The following C12orf42 variants were observed in gnomAD, a reference collection of about 807,000 sequenced individuals.
The protein encoded by C12orf42 is uncharacterized protein C12orf42.
C12orf42 carries 25 observed loss-of-function variants against 21.6 expected under a neutral mutation model. The ratio of observed to expected loss-of-function variants is 1.16; its 90% confidence interval spans 0.84 to 1.62. The LOEUF (loss-of-function observed/expected upper bound fraction) is 1.62. Among genes scored for constraint, C12orf42 ranks in the 40% most tolerant of loss-of-function variants. The pLI is 0.00. For missense variants in C12orf42, 483 were observed against 459.3 expected (o/e 1.05, Z -0.47); for synonymous variants, 174 against 175.0 (o/e 0.99, Z 0.05).
intron 4 of C12orf42, chr12:103,367,956 G>A (rs2044773577): frequency 2.6e-6 from 2 of 762,540 alleles, no homozygotes; most frequent in Non-Finnish European, 3.7e-6. Context: ...AAATATAAGT[G>A]AATGAATAAA....
chr12:103,190,243 T>C, the C12orf42 span, among the ~76,000 whole-genome samples: 1 of 152,162 alleles, frequency 6.6e-6, no homozygotes, highest in African/African-American at 2.4e-5. Flanking sequence ...AAAGTGTCTG[T>C]CATGGGAAGA....
the C12orf42 span, among the ~76,000 whole-genome samples, chr12:103,124,212 C>T: frequency 5.6e-5 from 7 of 125,550 alleles, no homozygotes; most frequent in East Asian, 1.7e-3. Flanking sequence ...AGTGGCCCTG[C>T]TCCCAGATGT....
At chr12:103,479,369 G>C (rs1954298295) in intron 1 of C12orf42, among the ~76,000 whole-genome samples, 1 of 151,996 alleles carries the variant, frequency 6.6e-6, no homozygotes, top group Non-Finnish European at 1.5e-5. Context: ...TTAAAGGGTT[G>C]AAAAAGAAAA....
At chr12:103,483,132 G>T (rs1954587125) in intron 1 of C12orf42, among the ~76,000 whole-genome samples, 1 of 152,024 alleles carries the variant, frequency 6.6e-6, no homozygotes, top group Non-Finnish European at 1.5e-5. Context: ...TTGTGATTTT[G>T]GACAGTGAGC....
the C12orf42 span, among the ~76,000 whole-genome samples, chr12:103,068,882 T>TAG: frequency 7.2e-6 from 1 of 138,260 alleles, no homozygotes; most frequent in Non-Finnish European, 1.5e-5. Flanking sequence ...TCTCTATATA[T>TAG]ATATATAGAT....
At chr12:103,553,100 AAT>A in the C12orf42 span, among the ~76,000 whole-genome samples, 1 of 152,210 alleles carries the variant, frequency 6.6e-6, no homozygotes, top group Admixed American at 6.5e-5. Flanking sequence ...GGAGCTGAGT[AAT>A]TATTTGTCGC....
intron 4 of C12orf42, among the ~76,000 whole-genome samples, chr12:103,321,538 T>A (rs1467014630): frequency 6.8e-6 from 1 of 146,022 alleles, no homozygotes; most frequent in Admixed American, 6.9e-5. Context: ...GGACTATAAA[T>A]CATGCTGCTA....
the C12orf42 span, among the ~76,000 whole-genome samples, chr12:103,199,333 C>T: frequency 2.0e-5 from 3 of 152,048 alleles, no homozygotes; most frequent in Admixed American, 6.6e-5. Flanking sequence ...AATAATAATT[C>T]ATTATAAACA....
At chr12:103,460,194 C>T (rs1353281181) in intron 2 of C12orf42, among the ~76,000 whole-genome samples, 2 of 151,826 alleles carry the variant, frequency 1.3e-5, no homozygotes, top group Non-Finnish European at 2.9e-5. Flanking sequence ...GCAACCTTTA[C>T]ACAATGATTC....
intron 2 of C12orf42, among the ~76,000 whole-genome samples, chr12:103,468,046 A>G (rs1211363746): frequency 1.3e-5 from 2 of 152,198 alleles, no homozygotes; most frequent in East Asian, 3.8e-4. Context: ...AACAAACCTT[A>G]ATTAATAAAT....
the C12orf42 span, among the ~76,000 whole-genome samples, chr12:103,057,294 A>G: frequency 6.6e-6 from 1 of 151,636 alleles, no homozygotes; most frequent in African/African-American, 2.4e-5. Flanking sequence ...TCAACCCATC[A>G]TCTAGGTTTT....
chr12:103,434,631 AGG>A (rs201257862), intron 2 of C12orf42, among the ~76,000 whole-genome samples: 2,078 of 152,258 alleles, frequency 0.014, 45 homozygotes, highest in African/African-American at 0.047. Context: ...AGTCAAAGAA[AGG>A]GGTGACTGAC....
At chr12:103,115,219 T>C in the C12orf42 span, among the ~76,000 whole-genome samples, 1 of 152,234 alleles carries the variant, frequency 6.6e-6, no homozygotes, top group African/African-American at 2.4e-5. Context: ...TCTCAAATTG[T>C]GGAACTGCAG....
At chr12:103,108,130 A>AT in the C12orf42 span, among the ~76,000 whole-genome samples, 7 of 151,312 alleles carry the variant, frequency 4.6e-5, no homozygotes, top group Non-Finnish European at 8.9e-5. Context: ...AATAATAATA[A>AT]TTTTTTAAAA....
intron 2 of C12orf42, among the ~76,000 whole-genome samples, chr12:103,413,112 T>C (rs1306841430): frequency 1.3e-5 from 2 of 152,222 alleles, no homozygotes; most frequent in Non-Finnish European, 2.9e-5. Flanking sequence ...AAATCTTTGA[T>C]CCATTTTGAG....
At chr12:103,384,506 T>C (rs1366694498) in intron 3 of C12orf42, among the ~76,000 whole-genome samples, 1 of 152,228 alleles carries the variant, frequency 6.6e-6, no homozygotes, top group Non-Finnish European at 1.5e-5. Context: ...ACCAGCTTCA[T>C]AATCTTTTTA....
At chr12:103,249,507 G>T (rs1438423777) in intron 10 of C12orf42, among the ~76,000 whole-genome samples, 1 of 152,026 alleles carries the variant, frequency 6.6e-6, no homozygotes, top group African/African-American at 2.4e-5. Flanking sequence ...ACTCAGTCTA[G>T]ATTTCTAAAG....
chr12:103,329,995 C>T (rs1014993360), intron 4 of C12orf42, among the ~76,000 whole-genome samples: 1 of 152,044 alleles, frequency 6.6e-6, no homozygotes, highest in African/African-American at 2.4e-5. Flanking sequence ...CATGCCAATA[C>T]ATATTCTTTG....
chr12:103,129,641 A>G, the C12orf42 span, among the ~76,000 whole-genome samples: 11 of 152,246 alleles, frequency 7.2e-5, no homozygotes, highest in African/African-American at 2.6e-4. Context: ...TTGTTATGAC[A>G]TCTCTCTCTT....
Sources: gnomAD v4.1 joint callset for allele counts (sites outside exome capture counted in the v4.1 genomes callset) on GRCh38, gnomAD v4.1.1 for gene constraint, MANE v1.5 for transcripts, NCBI Gene and HGNC (gene_info 2026-07-23, HGNC 2026-07-21) for gene names.